RLN2: variants seen among roughly 807,000 people sequenced by gnomAD.
RLN2 encodes the protein prorelaxin H2.
RLN2 carries 10 observed loss-of-function variants against 7.3 expected under a neutral mutation model. The ratio of observed to expected loss-of-function variants is 1.36; its 90% CI spans 0.84 to 2.31. The LOEUF is 2.31. RLN2 is among the 30% of genes most tolerant of loss of function. RLN2 has a pLI of 0.00. For missense variants in RLN2, 298 were observed against 217.6 expected, an observed-to-expected ratio of 1.37 and a Z score of -2.32; for synonymous variants, 103 against 82.3, an observed-to-expected ratio of 1.25 and a Z score of -1.36.
chr9:5,317,392 C>T, the RLN2 span, among the ~76,000 whole-genome samples: 2 of 150,530 alleles, frequency 1.3e-5, no homozygotes, highest in Non-Finnish European at 3.0e-5. Flanking sequence ...GCAGAGGTTG[C>T]AATGAGCTGA....
At chr9:5,314,267 C>A in the RLN2 span, among the ~76,000 whole-genome samples, 1 of 152,054 alleles carries the variant, frequency 6.6e-6, no homozygotes, top group Non-Finnish European at 1.5e-5. Context: ...GAACCGCCCC[C>A]AAATTGTTGC....
upstream of RLN2, among the ~76,000 whole-genome samples, chr9:5,306,288 A>G (rs1326324170): frequency 6.6e-6 from 1 of 151,518 alleles, no homozygotes; most frequent in Non-Finnish European, 1.5e-5. Context: ...TTGTATTTTT[A>G]TTAGAGACTG....
In RLN2 at chr9:5,303,142, A is replaced by C. The variant is rs556878027; in HGVS notation, c.211+1228T>G. Among the ~76,000 whole-genome samples the C allele has an allele frequency of 5.0e-3, 102 of 20,374 alleles. 1 individual carries two copies. Among genetic ancestry groups the C allele is most frequent in the African/African-American group, 0.019 (90 of 4,840 alleles). The allele number at this position is 20,374 out of a possible 152,430, so 13.4% of individuals were successfully genotyped here. A position where few individuals can be genotyped will look rare whatever the true frequency, so the allele number is the denominator to read the frequency against. On this transcript the variant is annotated intron_variant, in intron 1 of 1. Transcript: ENST00000381627. Reference sequence around the variant, plus strand: ...TGTGGTATTTTTGTACTAATGTTATACAAAAGTCATGTAAAAACTGCCATT... The same window carrying C: ...TGTGGTATTTTTGTACTAATGTTATCCAAAAGTCATGTAAAAACTGCCATT...
At chr9:5,307,746 A>G (rs1407900733), upstream of RLN2, among the ~76,000 whole-genome samples, 1 of 151,996 alleles carries the variant, frequency 6.6e-6, no homozygotes, top group East Asian at 1.9e-4. Context: ...TTTGTCCCAG[A>G]TGACAGGTGG....
upstream of RLN2, among the ~76,000 whole-genome samples, chr9:5,307,459 G>C (rs903640841): frequency 1.3e-5 from 2 of 151,900 alleles, no homozygotes; most frequent in East Asian, 1.9e-4. Flanking sequence ...GTGATTATTT[G>C]AGTGTTTATA....
chr9:5,334,867 A>G, the RLN2 span: 1 of 159,378 alleles, frequency 6.3e-6, no homozygotes, highest in African/African-American at 2.4e-5. Context: ...TTCAAGTTGT[A>G]TGGCTTTATG....
the RLN2 span, among the ~76,000 whole-genome samples, chr9:5,319,591 G>A: frequency 1.4e-3 from 216 of 152,050 alleles, 4 homozygotes; most frequent in African/African-American, 4.9e-3. Context: ...TAAAGTTACC[G>A]ATATATGCTA....
At chr9:5,322,391 AG>A in the RLN2 span, among the ~76,000 whole-genome samples, 22 of 152,006 alleles carry the variant, frequency 1.4e-4, no homozygotes, top group Non-Finnish European at 3.1e-4. Flanking sequence ...ACAGATGAAA[AG>A]TATTTAATAG....
At chr9:5,327,719 G>A in the RLN2 span, among the ~76,000 whole-genome samples, 1 of 151,956 alleles carries the variant, frequency 6.6e-6, no homozygotes, top group African/African-American at 2.4e-5. Context: ...GAAAGATCAG[G>A]CAGTAATATT....
intron 1 of RLN2, among the ~76,000 whole-genome samples, chr9:5,301,049 T>C (rs529044115): frequency 6.6e-6 from 1 of 152,286 alleles, no homozygotes; most frequent in African/African-American, 2.4e-5. Context: ...GAGTATTTAC[T>C]CCAAAACAAT....
chr9:5,324,116 T>C, the RLN2 span, among the ~76,000 whole-genome samples: 9 of 152,158 alleles, frequency 5.9e-5, no homozygotes, highest in Admixed American at 2.6e-4. Flanking sequence ...GTCATTTTTA[T>C]TGTTATATGT....
the RLN2 span, chr9:5,339,192 G>A: frequency 1.0e-5 from 2 of 200,702 alleles, no homozygotes; most frequent in Non-Finnish European, 1.8e-5. Flanking sequence ...GCCTCCTGCG[G>A]GTCTCCGGGC....
At chr9:5,324,043 T>A in the RLN2 span, among the ~76,000 whole-genome samples, 3 of 151,632 alleles carry the variant, frequency 2.0e-5, no homozygotes, top group African/African-American at 7.3e-5. Flanking sequence ...TAAGACTCTG[T>A]CTCAAAATAA....
the RLN2 span, among the ~76,000 whole-genome samples, chr9:5,328,538 T>A: frequency 4.6e-5 from 7 of 151,874 alleles, 1 homozygote; most frequent in African/African-American, 1.7e-4. Context: ...AGGCCAACAT[T>A]CAAATTCAGG....
upstream of RLN2, among the ~76,000 whole-genome samples, chr9:5,307,252 TGATAGATAGATAGATAGAGGATAGATA>T (rs1411763530): frequency 2.1e-5 from 3 of 143,970 alleles, no homozygotes; most frequent in South Asian, 6.9e-4. Context: ...GATAGATAGA[TGATAGATAGATAGATAGAGGATAGATA>T]GATAGATAGA....
At position 5,304,643 on chromosome 9, in the gene RLN2, G is replaced by T; in HGVS notation, c.-63C>A. The T allele has an allele frequency of 6.5e-7, 1 of 1,537,984 alleles. No homozygotes were observed. The highest frequency in any genetic ancestry group is 9.0e-7 in the Non-Finnish European group (1 of 1,113,240). On this transcript the variant is annotated 5_prime_UTR_variant, in exon 1 of 2. Coordinates refer to ENST00000381627, the MANE Select transcript of RLN2 (RefSeq NM_134441.3). ...GCCTTTCAGGACTGCAGCTGCTGTGGCCTACACACCTGGGCCTGTGTGCCT... is the reference window on the plus strand; with the variant it reads ...GCCTTTCAGGACTGCAGCTGCTGTGTCCTACACACCTGGGCCTGTGTGCCT...
chr9:5,307,627 T>C (rs1816278533), upstream of RLN2, among the ~76,000 whole-genome samples: 1 of 152,010 alleles, frequency 6.6e-6, no homozygotes, highest in South Asian at 2.1e-4. Flanking sequence ...GCCGAGCTGC[T>C]TTCTGCATCT....
rs558994650 is a variant in RLN2 at position 5,304,696 on chromosome 9, C to T, written c.-116G>A. On this transcript the variant is annotated 5_prime_UTR_variant, in exon 1 of 2. Transcript: ENST00000381627. ...CCCGGGCTTTAGGCTGCTTTCCCTA[C>T]CCGGCTCAAGCGGTCTTTTGTATCC... 2.8e-6 allele frequency: 3 copies of T among 1,068,146 alleles called. No homozygotes were observed. The highest frequency in any genetic ancestry group is 4.2e-6 in the Non-Finnish European group (3 of 715,332). The allele number at this position is 1,068,146 out of a possible 1,614,324, so 66.2% of individuals were successfully genotyped here.
the RLN2 span, among the ~76,000 whole-genome samples, chr9:5,331,466 A>C: frequency 1.3e-5 from 2 of 152,060 alleles, no homozygotes; most frequent in African/African-American, 4.8e-5. Context: ...GCACATATAC[A>C]CCATGGAATA....
Sources: gnomAD v4.1 joint callset for allele counts (sites outside exome capture counted in the v4.1 genomes callset) on GRCh38, gnomAD v4.1.1 for gene constraint, MANE v1.5 for transcripts, NCBI Gene and HGNC (gene_info 2026-07-23, HGNC 2026-07-21) for gene names.